DTNA: variants seen among roughly 807,000 people sequenced by gnomAD.
The protein encoded by DTNA is dystrophin-related protein 3.
DTNA carries 43 observed loss-of-function variants against 100.7 expected under a neutral mutation model. The observed-to-expected ratio is 0.43, with a 90% confidence interval of 0.33 to 0.55. The LOEUF is 0.55. DTNA is among the 20% of genes least tolerant of loss of function. The pLI is 0.04. For missense variants in DTNA, 798 were observed against 953.9 expected (o/e 0.84, Z 2.15); for synonymous variants, 349 against 347.9 (o/e 1.00, Z -0.04).
At chr18:34,743,073 C>A (rs2090994869) in intron 1 of DTNA, among the ~76,000 whole-genome samples, 2 of 152,156 alleles carry the variant, frequency 1.3e-5, no homozygotes, top group Admixed American at 6.5e-5. Context: ...AGAAAAAATT[C>A]TCTTCAATGG....
At chr18:34,649,098 A>C (rs1184274561) in intron 1 of DTNA, among the ~76,000 whole-genome samples, 1 of 152,166 alleles carries the variant, frequency 6.6e-6, no homozygotes, top group South Asian at 2.1e-4. Context: ...AGATAAGAAC[A>C]CTGTGTACAG....
At chr18:34,586,838 G>C (rs1186183704) in intron 1 of DTNA, among the ~76,000 whole-genome samples, 1 of 152,170 alleles carries the variant, frequency 6.6e-6, no homozygotes, top group Non-Finnish European at 1.5e-5. Context: ...CTGGGATGAA[G>C]TTGGACATTC....
At chr18:34,747,729 T>C (rs1348321869) in intron 1 of DTNA, among the ~76,000 whole-genome samples, 2 of 152,230 alleles carry the variant, frequency 1.3e-5, no homozygotes, top group Non-Finnish European at 2.9e-5. Context: ...ACATTTTCTT[T>C]ATCCATTCGT....
chr18:34,850,118 A>G (rs964152623), intron 14 of DTNA, among the ~76,000 whole-genome samples: 41 of 152,336 alleles, frequency 2.7e-4, no homozygotes, highest in African/African-American at 9.9e-4. Flanking sequence ...ATAACCACAT[A>G]TTAAGAATAG....
chr18:34,713,905 T>C (rs2083405686), intron 1 of DTNA, among the ~76,000 whole-genome samples: 2 of 152,112 alleles, frequency 1.3e-5, no homozygotes, highest in Admixed American at 1.3e-4. Context: ...AGTTCACTCA[T>C]GATTTGGCTC....
chr18:34,873,707 A>G (rs2150306293), intron 17 of DTNA, among the ~76,000 whole-genome samples: 1 of 152,364 alleles, frequency 6.6e-6, no homozygotes, highest in Non-Finnish European at 1.5e-5. Context: ...AAACCCTTTG[A>G]ACATCATAAG....
chr18:34,864,198 A>G, intron 17 of DTNA, 136 bp downstream of exon 17: 1 of 762,480 alleles, frequency 1.3e-6, no homozygotes, highest in Non-Finnish European at 2.2e-6. Flanking sequence ...TCAGATGTAA[A>G]ACAATTTGTT....
chr18:34,541,252 T>G (rs945459366), intron 1 of DTNA, among the ~76,000 whole-genome samples: 1 of 152,056 alleles, frequency 6.6e-6, no homozygotes, highest in Admixed American at 6.6e-5. Context: ...AATTGCATAG[T>G]TACAGGAGTC....
At chr18:34,627,968 G>T (rs1030242036) in intron 1 of DTNA, among the ~76,000 whole-genome samples, 3 of 151,980 alleles carry the variant, frequency 2.0e-5, no homozygotes, top group Non-Finnish European at 4.4e-5. Context: ...GTTGTTGTTG[G>T]GGGGTAGAGA....
chr18:34,828,953 T>G lies in DTNA; in HGVS notation c.1086-447T>G. 3 of 1,444,278 alleles carry G rather than the reference T, an allele frequency of 2.1e-6. No individual in the cohort carries two copies. The South Asian group carries it at 3.4e-5, about 17-fold the overall frequency. 89.5% of individuals were successfully genotyped at this position (1,444,278 alleles called of 1,614,324 possible). A position where few individuals can be genotyped will look rare whatever the true frequency, so the allele number is the denominator to read the frequency against. Reference sequence around the variant, plus strand: ...AGACCTGATGTGATGTTTAGAAATATGTACTTTTATTAGGAAGCTCTGCAT... The same window carrying G: ...AGACCTGATGTGATGTTTAGAAATAGGTACTTTTATTAGGAAGCTCTGCAT... On this transcript the variant is annotated intron_variant, in intron 10 of 22. Coordinates refer to ENST00000444659, the MANE Select transcript of DTNA (RefSeq NM_001386795.1).
At chr18:34,650,939 A>T (rs1023946805) in intron 1 of DTNA, among the ~76,000 whole-genome samples, 1 of 152,202 alleles carries the variant, frequency 6.6e-6, no homozygotes, top group African/African-American at 2.4e-5. Flanking sequence ...TTTCAACCCA[A>T]TCCTACTAAT....
intron 1 of DTNA, chr18:34,574,036 T>A (rs1377599702): frequency 6.4e-6 from 1 of 155,358 alleles, no homozygotes; most frequent in Non-Finnish European, 1.4e-5. Flanking sequence ...GTATGGACAT[T>A]CTGCCAGTTC....
At chr18:34,756,833 A>T (rs937397687) in intron 2 of DTNA, among the ~76,000 whole-genome samples, 1 of 152,180 alleles carries the variant, frequency 6.6e-6, no homozygotes, top group Admixed American at 6.5e-5. Flanking sequence ...GTTGAATATT[A>T]TAAAGGAAAA....
intron 1 of DTNA, among the ~76,000 whole-genome samples, chr18:34,500,506 C>G (rs1481201192): frequency 6.6e-6 from 1 of 151,094 alleles, no homozygotes; most frequent in Non-Finnish European, 1.5e-5. Flanking sequence ...TTCTGTCGCC[C>G]AGGCTGGAGC....
intron 1 of DTNA, among the ~76,000 whole-genome samples, chr18:34,513,305 C>G (rs1292974917): frequency 6.6e-6 from 1 of 152,074 alleles, no homozygotes; most frequent in East Asian, 1.9e-4. Context: ...GTAAACTTGA[C>G]ATAGAATAGT....
chr18:34,531,417 A>G (rs900002142), intron 1 of DTNA, among the ~76,000 whole-genome samples: 1 of 152,154 alleles, frequency 6.6e-6, no homozygotes, highest in Non-Finnish European at 1.5e-5. Flanking sequence ...ACATGATTAC[A>G]TAAGCTATTT....
intron 9 of DTNA, chr18:34,825,302 A>G (rs1430923574): frequency 2.5e-6 from 4 of 1,613,194 alleles, no homozygotes; most frequent in East Asian, 2.2e-5. Context: ...TTTCCAGTCT[A>G]CTTACAAAGA....
intron 1 of DTNA, among the ~76,000 whole-genome samples, chr18:34,639,405 C>T (rs1225112501): frequency 6.6e-6 from 1 of 152,186 alleles, no homozygotes; most frequent in Non-Finnish European, 1.5e-5. Flanking sequence ...GACCCTCTTG[C>T]CTGGGCCCTG....
In DTNA at chr18:34,820,854, G is replaced by A. The variant is rs2095696929; in HGVS notation, c.940G>A (p.Glu314Lys). 4 of 1,613,938 alleles carry A rather than the reference G, an allele frequency of 2.5e-6. No homozygotes were observed. The South Asian group carries it at 3.3e-5, about 13-fold the overall frequency. Residue 314 changes from glutamate (E) to lysine (K), a missense_variant, in exon 9 of 23, where the codon GAA (glutamate) becomes AAA (lysine). Transcript: ENST00000444659. ...GTCCCTGAGCTGTGCTTCCAGCCGTGAACCTTTGCACCCCATGTTCCCAGA... is the reference window on the plus strand; with the variant it reads ...GTCCCTGAGCTGTGCTTCCAGCCGTAAACCTTTGCACCCCATGTTCCCAGA... ...SKSLSCASSR[E>K]PLHPMFPDQP...
Sources: gnomAD v4.1 joint callset for allele counts (sites outside exome capture counted in the v4.1 genomes callset) on GRCh38, gnomAD v4.1.1 for gene constraint, MANE v1.5 for transcripts, NCBI Gene and HGNC (gene_info 2026-07-23, HGNC 2026-07-21) for gene names.